USP30: variants seen among roughly 807,000 people sequenced by gnomAD.
The protein encoded by USP30 is ubiquitin specific peptidase 30, also known as ubiquitin carboxyl-terminal hydrolase 30.
A neutral mutation model predicts 68.2 loss-of-function variants in USP30; 41 were observed. The observed-to-expected ratio is 0.60, with a 90% CI of 0.47 to 0.78. USP30 has a LOEUF of 0.78. Among genes scored for constraint, USP30 ranks in the 30% least tolerant of loss-of-function variants. USP30 has a pLI of 0.00. For missense variants in USP30, 522 were observed against 649.4 expected (o/e 0.80, Z 2.13); for synonymous variants, 229 against 253.7 (o/e 0.90, Z 0.93).
intron 7 of USP30, among the ~76,000 whole-genome samples, chr12:109,074,870 A>G (rs1315194238): frequency 6.6e-6 from 1 of 152,168 alleles, no homozygotes; most frequent in Non-Finnish European, 1.5e-5. Flanking sequence ...TCTTTGAGCA[A>G]CATCTCCCCA....
At chr12:109,076,737 T>TC (rs1335843275) in intron 7 of USP30, among the ~76,000 whole-genome samples, 8 of 147,094 alleles carry the variant, frequency 5.4e-5, no homozygotes, top group African/African-American at 2.0e-4. Context: ...TTTTTCTTTT[T>TC]TTTTTTTTTT....
intron 1 of USP30, among the ~76,000 whole-genome samples, chr12:109,054,443 C>G (rs1013756643): frequency 6.1e-4 from 92 of 151,902 alleles, no homozygotes; most frequent in Non-Finnish European, 3.2e-4. Flanking sequence ...ATCACCTGAG[C>G]CCGGAAGGTG....
At chr12:109,072,404 A>G in intron 6 of USP30, 54 bp downstream of exon 6, 1 of 1,555,844 alleles carries the variant, frequency 6.4e-7, no homozygotes, top group Non-Finnish European at 8.8e-7. Context: ...TTAAGATATG[A>G]TAATAATTTG....
At chr12:109,026,484 G>A (rs888816250) in intron 2 of USP30, among the ~76,000 whole-genome samples, 3 of 148,756 alleles carry the variant, frequency 2.0e-5, no homozygotes, top group African/African-American at 5.0e-5. Flanking sequence ...TTTTTTTTGA[G>A]ACAGGGTCTC....
At chr12:109,060,240 A>C (rs568397283) in intron 3 of USP30, 1 of 152,354 alleles carries the variant, frequency 6.6e-6, no homozygotes, top group Non-Finnish European at 1.5e-5. Context: ...CTGGACTGAA[A>C]AATGCTGAAA....
intron 3 of USP30, among the ~76,000 whole-genome samples, chr12:109,066,234 T>A (rs1479406189): frequency 2.4e-5 from 3 of 125,518 alleles, no homozygotes; most frequent in Non-Finnish European, 4.8e-5. Context: ...CCTGACAGAA[T>A]GAGACCCTGT....
intron 8 of USP30, chr12:109,081,667 A>AT (rs2041807640): frequency 1.7e-6 from 1 of 598,112 alleles, no homozygotes. Flanking sequence ...ACACACAGAC[A>AT]TTAACCTCAG....
At chr12:109,027,005 T>G (rs573682653) in intron 2 of USP30, among the ~76,000 whole-genome samples, 13 of 152,292 alleles carry the variant, frequency 8.5e-5, no homozygotes, top group African/African-American at 3.1e-4. Flanking sequence ...GTAACCCTGA[T>G]TACTTCCCAA....
chr12:109,077,831 G>C (rs982226539), intron 7 of USP30, among the ~76,000 whole-genome samples: 1 of 151,760 alleles, frequency 6.6e-6, no homozygotes. Flanking sequence ...GTGTTGGGGG[G>C]GGAGGGTGTG....
chr12:109,044,931 GT>G (rs143097197), intron 3 of USP30, among the ~76,000 whole-genome samples: 5,246 of 141,030 alleles, frequency 0.037, 293 homozygotes, highest in African/African-American at 0.13. Context: ...GGGAAAAAAT[GT>G]TTTCTGATTA....
chr12:109,044,973 A>G (rs2040591658), intron 3 of USP30, among the ~76,000 whole-genome samples: 1 of 150,174 alleles, frequency 6.7e-6, no homozygotes, highest in Non-Finnish European at 1.5e-5. Flanking sequence ...TTCATTACCA[A>G]GTAAGGTCAA....
At chr12:109,059,190 CT>C (rs941286270) in intron 3 of USP30, among the ~76,000 whole-genome samples, 4 of 151,992 alleles carry the variant, frequency 2.6e-5, no homozygotes, top group Non-Finnish European at 5.9e-5. Context: ...ACCTACCCAA[CT>C]TTTTTTTGTT....
chr12:109,066,380 C>T (rs2041251721), intron 3 of USP30, among the ~76,000 whole-genome samples: 1 of 151,920 alleles, frequency 6.6e-6, no homozygotes, highest in African/African-American at 2.4e-5. Context: ...CTGATTCTAC[C>T]TGTGATTGAA....
Position 109,085,965 on chromosome 12 carries a change from C to T in USP30, c.*34C>T, listed in dbSNP as rs2041937798. The T allele has an allele frequency of 3.8e-6, 6 of 1,596,026 alleles. No individual in the cohort carries two copies. Among genetic ancestry groups the T allele is most frequent in the Non-Finnish European group, 5.1e-6 (6 of 1,169,514 alleles). ...TCCTGCAAGGCTAGAGCTGATGGCACTGTCTGCACTGTCCAGGAAAAAAGT... is the reference window on the plus strand; with the variant it reads ...TCCTGCAAGGCTAGAGCTGATGGCATTGTCTGCACTGTCCAGGAAAAAAGT... On this transcript the variant is annotated 3_prime_UTR_variant, in exon 13 of 13. Coordinates refer to ENST00000257548, the MANE Select transcript of USP30 (RefSeq NM_032663.5).
chr12:109,086,511 T>TA lies in USP30; in HGVS notation c.*582dup, dbSNP rs1249447195. On this transcript the variant is annotated 3_prime_UTR_variant, in exon 13 of 13. Coordinates refer to ENST00000257548, the MANE Select transcript of USP30 (RefSeq NM_032663.5). ...CACCTTCCTTTTTCTATGCCTTTTCTAATCTTTCAATTCTTTCTATGGAGT... is the reference window on the plus strand; with the variant it reads ...CACCTTCCTTTTTCTATGCCTTTTCTAAATCTTTCAATTCTTTCTATGGAGT... 6.6e-6 allele frequency: 1 copy of TA among 152,632 alleles called. No individual in the cohort carries two copies. The highest frequency in any genetic ancestry group is 1.5e-5 in the Non-Finnish European group (1 of 68,390). The allele number at this position is 152,632 out of a possible 1,614,324, so 9.5% of individuals were successfully genotyped here.
In USP30 at chr12:109,087,645, T is replaced by G. The variant is rs1299321828; in HGVS notation, c.*1714T>G. ...ACTGCAAAGCTGTAGCTTTAAGTAATTGCTGTTCTGCCACTGCTTACTCTG... is the reference window on the plus strand; with the variant it reads ...ACTGCAAAGCTGTAGCTTTAAGTAAGTGCTGTTCTGCCACTGCTTACTCTG... On this transcript the variant is annotated 3_prime_UTR_variant, in exon 13 of 13. Transcript: ENST00000257548. The G allele has an allele frequency of 6.6e-6, 1 of 152,342 alleles. No homozygotes were observed. Among genetic ancestry groups the G allele is most frequent in the Admixed American group, 6.5e-5 (1 of 15,284 alleles). The allele number at this position is 152,342 out of a possible 1,614,324, so 9.4% of individuals were successfully genotyped here.
intron 12 of USP30, among the ~76,000 whole-genome samples, 169 bp from the exon 13 acceptor site, chr12:109,085,496 ATC>A (rs1006961368): frequency 6.6e-6 from 1 of 152,262 alleles, no homozygotes; most frequent in Non-Finnish European, 1.5e-5. Context: ...TAGAATGTAC[ATC>A]TTGCCATGCC....
chr12:109,073,419 A>G lies in USP30; in HGVS notation c.626-19A>G. 1.3e-6 allele frequency: 2 copies of G among 1,600,000 alleles called. No individual in the cohort carries two copies. Among genetic ancestry groups the G allele is most frequent in the South Asian group, 1.1e-5 (1 of 90,684 alleles). On this transcript the variant is annotated intron_variant, in intron 6 of 12. Coordinates refer to ENST00000257548, the MANE Select transcript of USP30 (RefSeq NM_032663.5). ...CAAAGGGCTAAAAGTGACATATCAA[A>G]AAACTTTTTGCATTCCAGGGTCACC...
chr12:109,055,400 A>ATATATATATATATATATATTTTTT (rs1298811530), intron 1 of USP30, among the ~76,000 whole-genome samples: 1 of 24,466 alleles, frequency 4.1e-5, no homozygotes, highest in Non-Finnish European at 8.7e-5. Flanking sequence ...ATATATATAT[A>ATATATATATATATATATATTTTTT]TTTTTTTTTT....
Sources: allele counts gnomAD v4.1 joint callset (sites outside exome capture counted in the v4.1 genomes callset), GRCh38; gene constraint gnomAD v4.1.1; transcripts MANE v1.5; gene names NCBI Gene and HGNC (gene_info 2026-07-23, HGNC 2026-07-21).